Variants in PAX5 observed in about 807,000 individuals in gnomAD.
PAX5 encodes paired box 5, also known as paired box protein Pax-5.
In PAX5, 9 loss-of-function variants were observed where a neutral mutation model predicts 43.7. The ratio of observed to expected loss-of-function variants is 0.21; its 90% CI spans 0.12 to 0.36. PAX5 has a LOEUF of 0.36. Among genes scored for constraint, PAX5 ranks in the 10% least tolerant of loss-of-function variants. The probability of loss-of-function intolerance (pLI) is 1.00; values close to 1 mark genes in which losing one functional copy is unlikely to be tolerated. For missense variants in PAX5, 383 were observed against 532.7 expected (o/e 0.72, Z 2.77); for synonymous variants, 228 against 214.3 (o/e 1.06, Z -0.56).
chr9:36,992,901 G>T (rs1837061252), intron 5 of PAX5, among the ~76,000 whole-genome samples: 1 of 152,228 alleles, frequency 6.6e-6, no homozygotes, highest in Non-Finnish European at 1.5e-5. Flanking sequence ...CAGGTGATCT[G>T]TGAGGACAAA....
chr9:36,862,296 T>G (rs1221151802), intron 8 of PAX5, among the ~76,000 whole-genome samples: 2 of 152,102 alleles, frequency 1.3e-5, no homozygotes, highest in Non-Finnish European at 2.9e-5. Context: ...ACACCAGGAA[T>G]GCAGGAGGAC....
chr9:36,877,904 A>G (rs939824999), intron 8 of PAX5, among the ~76,000 whole-genome samples: 1 of 152,222 alleles, frequency 6.6e-6, no homozygotes, highest in Admixed American at 6.5e-5. Context: ...ACCTAAATGC[A>G]TATGTATCCC....
chr9:36,930,322 C>T (rs1284129657), intron 6 of PAX5, among the ~76,000 whole-genome samples: 1 of 149,154 alleles, frequency 6.7e-6, no homozygotes, highest in Non-Finnish European at 1.5e-5. Flanking sequence ...CTCCCAGGCC[C>T]AAGGGATCCT....
At chr9:36,880,424 T>C (rs1826308004) in intron 8 of PAX5, among the ~76,000 whole-genome samples, 1 of 152,182 alleles carries the variant, frequency 6.6e-6, no homozygotes. Context: ...CAGCATGAGC[T>C]AGAAAGAGGG....
Position 37,021,502 on chromosome 9 carries a change from G to A in PAX5, c.47-701C>T, listed in dbSNP as rs1003250182. 3.3e-5 allele frequency among the ~76,000 whole-genome samples: 5 copies of A among 152,164 alleles called. No individual in the cohort carries two copies. In the East Asian group the frequency reaches 5.8e-4, roughly 18 times the overall value. On this transcript the variant is annotated intron_variant, in intron 1 of 9. Coordinates refer to ENST00000358127, the MANE Select transcript of PAX5 (RefSeq NM_016734.3). ...CACAGCACATTCCACTCCACTGCAC[G>A]GGGATTTGTTATAAAGGAGTTTCCC...
Position 36,966,750 on chromosome 9 carries a change from G to C in PAX5, c.605-26C>G, listed in dbSNP as rs754316889. ...CTTTGATGAGCAGGAGAGAGGAAGGGTGAGTGGAGGTTATACACGTTGCTA... is the reference window on the plus strand; with the variant it reads ...CTTTGATGAGCAGGAGAGAGGAAGGCTGAGTGGAGGTTATACACGTTGCTA... On this transcript the variant is annotated intron_variant, in intron 5 of 9. Transcript: ENST00000358127. 1.9e-6 allele frequency: 3 copies of C among 1,606,910 alleles called. No individual in the cohort carries two copies. The East Asian group carries it at 6.7e-5, about 36-fold the overall frequency.
intron 9 of PAX5, among the ~76,000 whole-genome samples, chr9:36,845,805 C>A (rs1587733785): frequency 6.6e-6 from 1 of 152,150 alleles, no homozygotes; most frequent in Admixed American, 6.5e-5. Context: ...TTTGAAGACA[C>A]CAGGTTATGG....
intron 1 of PAX5, among the ~76,000 whole-genome samples, chr9:37,025,617 TC>T (rs1448420122): frequency 6.6e-6 from 1 of 152,142 alleles, no homozygotes; most frequent in Non-Finnish European, 1.5e-5. Context: ...CCTTGAAATC[TC>T]CGAATCTAAT....
At chr9:36,916,737 T>A (rs1047467370) in intron 7 of PAX5, among the ~76,000 whole-genome samples, 8 of 152,136 alleles carry the variant, frequency 5.3e-5, no homozygotes, top group African/African-American at 1.9e-4. Context: ...CAGGCTGGAA[T>A]GCAGTGGCGT....
chr9:37,002,094 A>G (rs940590534), intron 5 of PAX5, among the ~76,000 whole-genome samples: 5 of 151,502 alleles, frequency 3.3e-5, no homozygotes, highest in Admixed American at 2.0e-4. Context: ...TCCAGACCCA[A>G]GGACAAAGAT....
chr9:36,858,374 A>T (rs1823869056), intron 8 of PAX5, among the ~76,000 whole-genome samples: 1 of 152,280 alleles, frequency 6.6e-6, no homozygotes, highest in Non-Finnish European at 1.5e-5. Flanking sequence ...CAAGTCCCTG[A>T]TCTTCCGTCT....
intron 5 of PAX5, among the ~76,000 whole-genome samples, chr9:36,996,675 C>T (rs1837421309): frequency 1.3e-5 from 2 of 152,220 alleles, no homozygotes; most frequent in Admixed American, 6.5e-5. Flanking sequence ...AAGACCAGGA[C>T]CTGCCCATGT....
At chr9:37,028,341 A>C (rs535681052) in intron 1 of PAX5, among the ~76,000 whole-genome samples, 1 of 152,196 alleles carries the variant, frequency 6.6e-6, no homozygotes, top group Non-Finnish European at 1.5e-5. Context: ...AATTTTATCA[A>C]GTACCTACTA....
chr9:37,015,198 G>C lies in PAX5; in HGVS notation c.213-4C>G. On this transcript the variant is annotated splice_polypyrimidine_tract_variant and splice_region_variant and intron_variant, in intron 2 of 9. Coordinates refer to ENST00000358127, the MANE Select transcript of PAX5 (RefSeq NM_016734.3). This position sits in a 1 kb window ranked among gnomAD's most constrained non-coding sequence, Gnocchi z 4.4. ...GATGCTTCCTGTCTCATAATACCTA[G>C]GACCCAAAGAGAAAGAAGCTTAGCC... 6.2e-7 allele frequency: 1 copy of C among 1,613,148 alleles called. No homozygotes were observed. The highest frequency in any genetic ancestry group is 8.5e-7 in the Non-Finnish European group (1 of 1,179,256).
At chr9:36,962,402 G>A in intron 6 of PAX5, among the ~76,000 whole-genome samples, 1 of 152,104 alleles carries the variant, frequency 6.6e-6, no homozygotes, top group Non-Finnish European at 1.5e-5. Flanking sequence ...GAAACTCCTT[G>A]AATAAACAAT....
In PAX5 at chr9:36,999,244, G is replaced by T. The variant is rs576350220; in HGVS notation, c.604+3404C>A. Among the ~76,000 whole-genome samples, 34 of 152,280 alleles carry T rather than the reference G, an allele frequency of 2.2e-4. 1 individual carries two copies. The South Asian group carries it at 6.8e-3, about 31-fold the overall frequency. ...CATGCTCACCAGAGTCCCAGACTTG[G>T]CACAATCTCTCTTGCCTTTGATTGG... On this transcript the variant is annotated intron_variant, in intron 5 of 9. Transcript: ENST00000358127.
chr9:36,874,255 A>C (rs776010901), intron 8 of PAX5, among the ~76,000 whole-genome samples: 13 of 152,136 alleles, frequency 8.5e-5, no homozygotes, highest in Non-Finnish European at 1.9e-4. Context: ...GTGAAGCCAC[A>C]TTCTTGCCAA....
intron 6 of PAX5, among the ~76,000 whole-genome samples, chr9:36,924,224 C>T (rs1257577451): frequency 2.6e-5 from 4 of 152,220 alleles, no homozygotes; most frequent in Admixed American, 6.5e-5. Flanking sequence ...CCATGAGTCA[C>T]GCTCCTTTCT....
Position 37,022,928 on chromosome 9 carries a change from A to C in PAX5, c.47-2127T>G, listed in dbSNP as rs191545287. On this transcript the variant is annotated intron_variant, in intron 1 of 9. Coordinates refer to ENST00000358127, the MANE Select transcript of PAX5 (RefSeq NM_016734.3). ...CCAAGACCCCTTGGCCTTCTCCACCATCACAATCCTACCCAATAGAGCTCT... is the reference window on the plus strand; with the variant it reads ...CCAAGACCCCTTGGCCTTCTCCACCCTCACAATCCTACCCAATAGAGCTCT... Among the ~76,000 whole-genome samples the C allele has an allele frequency of 3.3e-5, 5 of 152,264 alleles. No homozygotes were observed. In the East Asian group the frequency reaches 9.6e-4, roughly 29 times the overall value.
Sources: gnomAD v4.1 joint callset for allele counts (sites outside exome capture counted in the v4.1 genomes callset) on GRCh38, gnomAD v4.1.1 for gene constraint, Gnocchi (gnomAD v3.1) non-coding constraint, MANE v1.5 for transcripts, NCBI Gene and HGNC (gene_info 2026-07-23, HGNC 2026-07-21) for gene names.